The following GABRA3 variants were observed in gnomAD, a reference collection of about 807,000 sequenced individuals.
GABRA3 encodes gamma-aminobutyric acid type A receptor subunit alpha3.
GABRA3 carries 10 observed loss-of-function variants against 30.1 expected under a neutral mutation model. The observed-to-expected ratio is 0.33, with a 90% CI of 0.20 to 0.56. The LOEUF is 0.56. GABRA3 is among the 20% of genes least tolerant of loss of function. The probability of loss-of-function intolerance (pLI) is 0.89; values close to 1 mark genes in which losing one functional copy is unlikely to be tolerated. For synonymous variants in GABRA3, 151 were observed against 146.8 expected (o/e 1.03, Z -0.21); for missense variants, 233 against 392.0 (o/e 0.59, Z 3.42).
At chrX:152,418,126 T>C (rs1471216882) in intron 1 of GABRA3, among the ~76,000 whole-genome samples, 1 of 111,342 alleles carries the variant, frequency 9.0e-6, no homozygotes, top group Non-Finnish European at 1.9e-5. Context: ...TAACTAATAG[T>C]ACCGGCCATC....
intron 3 of GABRA3, among the ~76,000 whole-genome samples, chrX:152,326,270 A>G (rs1940056307): frequency 8.9e-6 from 1 of 111,927 alleles, no homozygotes; most frequent in African/African-American, 3.2e-5. Context: ...ACCAAGTTGG[A>G]AAACACTCTT....
chrX:152,283,201 G>T (rs901887811), intron 4 of GABRA3, among the ~76,000 whole-genome samples: 2 of 111,328 alleles, frequency 1.8e-5, no homozygotes, highest in Non-Finnish European at 3.8e-5. Flanking sequence ...GAGGGCAATG[G>T]AGACATACAG....
At chrX:152,216,930 AG>A (rs1321029628) in intron 6 of GABRA3, among the ~76,000 whole-genome samples, 1 of 111,042 alleles carries the variant, frequency 9.0e-6, no homozygotes, top group Non-Finnish European at 1.9e-5. Context: ...GTACCCAAAA[AG>A]TATACACACT....
intron 3 of GABRA3, among the ~76,000 whole-genome samples, chrX:152,289,809 T>G (rs1939368989): frequency 9.0e-6 from 1 of 111,287 alleles, no homozygotes; most frequent in Non-Finnish European, 1.9e-5. Flanking sequence ...GAATGACGGT[T>G]TCCAGCTGCA....
intron 3 of GABRA3, among the ~76,000 whole-genome samples, chrX:152,293,319 C>A (rs978326399): frequency 2.7e-4 from 30 of 111,460 alleles, no homozygotes; most frequent in Non-Finnish European, 2.3e-4. Flanking sequence ...CCTTCTTTGT[C>A]TCTTTTGATC....
chrX:152,282,418 GA>G (rs1192875982), intron 4 of GABRA3, among the ~76,000 whole-genome samples: 2 of 108,654 alleles, frequency 1.8e-5, no homozygotes, highest in Non-Finnish European at 3.8e-5. Flanking sequence ...TAGTAGCACA[GA>G]AAAAAAAACA....
At chrX:152,183,131 T>C (rs1380865352) in intron 9 of GABRA3, among the ~76,000 whole-genome samples, 1 of 109,402 alleles carries the variant, frequency 9.1e-6, no homozygotes, top group East Asian at 2.9e-4. Context: ...TTGAGAATGA[T>C]TGGTATTAGT....
intron 1 of GABRA3, among the ~76,000 whole-genome samples, chrX:152,441,792 C>A (rs985603456): frequency 1.8e-5 from 2 of 111,254 alleles, no homozygotes; most frequent in Admixed American, 1.9e-4. Context: ...GGAAAAAAAA[C>A]TGCTTAATAT....
intron 1 of GABRA3, among the ~76,000 whole-genome samples, chrX:152,447,595 C>T (rs1341738722): frequency 8.9e-6 from 1 of 112,277 alleles, no homozygotes; most frequent in East Asian, 2.8e-4. Flanking sequence ...ATTAACTGAA[C>T]TGATACAGCC....
chrX:152,250,207 A>G (rs1349829835), intron 5 of GABRA3, among the ~76,000 whole-genome samples: 1 of 111,103 alleles, frequency 9.0e-6, no homozygotes, highest in Non-Finnish European at 1.9e-5. Context: ...CGATTCTATC[A>G]CATTTTGCAC....
At chrX:152,280,349 G>A (rs899108995) in intron 4 of GABRA3, among the ~76,000 whole-genome samples, 1 of 111,455 alleles carries the variant, frequency 9.0e-6, no homozygotes, top group Non-Finnish European at 1.9e-5. Flanking sequence ...GCCTAAAATA[G>A]ACAAAGGTTC....
chrX:152,430,422 G>A (rs1930624321), intron 1 of GABRA3, among the ~76,000 whole-genome samples: 1 of 111,310 alleles, frequency 9.0e-6, no homozygotes, highest in Admixed American at 9.6e-5. Flanking sequence ...ATGAGGCAGG[G>A]AACTCCTAGG....
chrX:152,213,259 C>A (rs1177081360), intron 6 of GABRA3, among the ~76,000 whole-genome samples: 1 of 111,747 alleles, frequency 8.9e-6, no homozygotes, highest in Non-Finnish European at 1.9e-5. Context: ...TAATCAGTTA[C>A]CCGTTCAACA....
At chrX:152,337,848 A>G (rs747666827) in intron 3 of GABRA3, among the ~76,000 whole-genome samples, 2 of 111,351 alleles carry the variant, frequency 1.8e-5, no homozygotes, top group East Asian at 5.7e-4. Flanking sequence ...ACAACAAATA[A>G]AAACAGAAAA....
chrX:152,411,986 T>C (rs1330826318), intron 1 of GABRA3, among the ~76,000 whole-genome samples: 1 of 111,552 alleles, frequency 9.0e-6, no homozygotes, highest in Non-Finnish European at 1.9e-5. Context: ...GTTACCAGCT[T>C]CTTACCAAAT....
rs1374024191 is a variant in GABRA3, at chrX:152,405,558, A to T, written c.-26-40962T>A. ...CTCCAGGCAGTGCATCTCAAGGAAG[A>T]CAGTCCTTCCACTTGGGGGAAGGAG... On this transcript the variant is annotated intron_variant, in intron 1 of 9. Coordinates refer to ENST00000370314, the MANE Select transcript of GABRA3 (RefSeq NM_000808.4). Among the ~76,000 whole-genome samples, 11 of 110,318 alleles carry T rather than the reference A, an allele frequency of 1.0e-4. No individual in the cohort carries two copies. The Admixed American group carries it at 1.1e-3, about 11-fold the overall frequency.
intron 7 of GABRA3, among the ~76,000 whole-genome samples, chrX:152,205,056 C>A (rs1390879172): frequency 2.7e-5 from 3 of 111,703 alleles, no homozygotes; most frequent in African/African-American, 9.8e-5. Flanking sequence ...TTTATAAGGA[C>A]ACCAGTCAAA....
In GABRA3 at chrX:152,395,873, C is replaced by T. The variant is rs147485270; in HGVS notation, c.-26-31277G>A. 8.0e-3 allele frequency among the ~76,000 whole-genome samples: 899 copies of T among 111,909 alleles called. 14 individuals are homozygous for T. The highest frequency in any genetic ancestry group is 0.028 in the African/African-American group (861 of 30,796). ...ATCTCAAACATCAGTGATATATGAA[C>T]AGAGAACTAAGCTGTAGTGCTTCCT... On this transcript the variant is annotated intron_variant, in intron 1 of 9. Transcript: ENST00000370314.
chrX:152,187,797 C>T (rs1231483390), intron 9 of GABRA3, among the ~76,000 whole-genome samples: 2 of 112,162 alleles, frequency 1.8e-5, no homozygotes, highest in Non-Finnish European at 3.8e-5. Context: ...GTAAAAATTT[C>T]TCTAATGCAA....
Sources: gnomAD v4.1 joint callset for allele counts (sites outside exome capture counted in the v4.1 genomes callset) on GRCh38, gnomAD v4.1.1 for gene constraint, MANE v1.5 for transcripts, NCBI Gene and HGNC (gene_info 2026-07-23, HGNC 2026-07-21) for gene names.